NAA11: variants seen among roughly 807,000 people sequenced by gnomAD.
The protein encoded by NAA11 is N-alpha-acetyltransferase 11.
A neutral mutation model predicts 16.1 loss-of-function variants in NAA11; 15 were observed. That is an observed-to-expected ratio of 0.93 (90% CI 0.62 to 1.44). NAA11 has a LOEUF of 1.44. Ranked by LOEUF, NAA11 falls within the 40% of genes most tolerant of loss-of-function variation. The pLI is 0.00. For synonymous variants in NAA11, 122 were observed against 112.4 expected (o/e 1.09, Z -0.54); for missense variants, 298 against 291.3 (o/e 1.02, Z -0.17).
chr4:79,319,804 A>G (rs1724038080), intron 1 of NAA11, among the ~76,000 whole-genome samples: 1 of 152,194 alleles, frequency 6.6e-6, no homozygotes, highest in African/African-American at 2.4e-5. Context: ...AGGTTATACT[A>G]CGAATTTACC....
At chr4:79,220,911 A>G (rs1389014681), downstream of NAA11, among the ~76,000 whole-genome samples, 1 of 152,050 alleles carries the variant, frequency 6.6e-6, no homozygotes. Context: ...TTCTGTGAAG[A>G]AAGTCATTGG....
At chr4:79,286,675 G>C (rs1722946372) in intron 2 of NAA11, among the ~76,000 whole-genome samples, 1 of 151,916 alleles carries the variant, frequency 6.6e-6, no homozygotes, top group Non-Finnish European at 1.5e-5. Context: ...GTCAATAAGG[G>C]ATTTGTACTA....
chr4:79,239,631 C>T (rs532589328), intron 2 of NAA11, among the ~76,000 whole-genome samples: 8 of 152,050 alleles, frequency 5.3e-5, no homozygotes, highest in South Asian at 2.1e-4. Flanking sequence ...ACCCGGAAGG[C>T]GGAGGTTGCA....
intron 2 of NAA11, among the ~76,000 whole-genome samples, chr4:79,280,586 T>C (rs887351674): frequency 6.6e-6 from 1 of 151,930 alleles, no homozygotes; most frequent in East Asian, 1.9e-4. Context: ...TTCTGATACA[T>C]TTTGATACTT....
At chr4:79,242,564 T>C (rs1721722527) in intron 2 of NAA11, among the ~76,000 whole-genome samples, 2 of 152,248 alleles carry the variant, frequency 1.3e-5, no homozygotes, top group South Asian at 4.1e-4. Flanking sequence ...ACATTCTTCC[T>C]CTGCCCTGGT....
At chr4:79,157,000 A>G in the NAA11 span, among the ~76,000 whole-genome samples, 4 of 152,236 alleles carry the variant, frequency 2.6e-5, no homozygotes, top group Admixed American at 2.0e-4. Flanking sequence ...AGTGCACATT[A>G]TCCCTGACTA....
At chr4:79,268,779 C>G (rs1722409724) in intron 2 of NAA11, among the ~76,000 whole-genome samples, 1 of 151,456 alleles carries the variant, frequency 6.6e-6, no homozygotes, top group Non-Finnish European at 1.5e-5. Context: ...TATATATGTG[C>G]CATGCTGGTG....
chr4:79,208,489 T>C, the NAA11 span, among the ~76,000 whole-genome samples: 1 of 152,284 alleles, frequency 6.6e-6, no homozygotes, highest in South Asian at 2.1e-4. Flanking sequence ...ATGCTTTTCA[T>C]TTCTATTGGA....
the NAA11 span, among the ~76,000 whole-genome samples, chr4:79,187,762 C>T: frequency 1.3e-5 from 2 of 151,858 alleles, no homozygotes; most frequent in Non-Finnish European, 1.5e-5. Context: ...TTTGGGAGGC[C>T]GAGGCGGGCT....
At chr4:79,272,641 T>G (rs780952286) in intron 2 of NAA11, among the ~76,000 whole-genome samples, 1 of 151,972 alleles carries the variant, frequency 6.6e-6, no homozygotes, top group Non-Finnish European at 1.5e-5. Flanking sequence ...GTAAAGAGGT[T>G]TTTATCTCAG....
the NAA11 span, among the ~76,000 whole-genome samples, chr4:79,187,853 G>T: frequency 6.6e-6 from 1 of 151,780 alleles, no homozygotes; most frequent in East Asian, 1.9e-4. Context: ...AAAAAAATTA[G>T]CCGGGCACGG....
the NAA11 span, among the ~76,000 whole-genome samples, chr4:79,195,022 A>T: frequency 1.3e-5 from 2 of 152,106 alleles, no homozygotes; most frequent in Non-Finnish European, 2.9e-5. Context: ...AGAAAAAAGG[A>T]TGAGACAGAA....
chr4:79,270,123 G>C (rs1385258690), intron 2 of NAA11, among the ~76,000 whole-genome samples: 2 of 150,668 alleles, frequency 1.3e-5, no homozygotes, highest in Non-Finnish European at 3.0e-5. Flanking sequence ...AGTAAAGTTT[G>C]AAGTCAGGTA....
chr4:79,281,242 C>T (rs1198665815), intron 2 of NAA11, among the ~76,000 whole-genome samples: 1 of 151,492 alleles, frequency 6.6e-6, no homozygotes, highest in Non-Finnish European at 1.5e-5. Flanking sequence ...CATTCTACTG[C>T]CTCCCTCTAT....
downstream of NAA11, among the ~76,000 whole-genome samples, chr4:79,223,551 C>T (rs187274114): frequency 3.9e-3 from 575 of 148,804 alleles, 3 homozygotes; most frequent in Non-Finnish European, 6.5e-3. Flanking sequence ...TGCTAGATGA[C>T]GAGTTAGTGG....
chr4:79,251,374 A>G (rs1721989807), intron 2 of NAA11, among the ~76,000 whole-genome samples: 1 of 152,244 alleles, frequency 6.6e-6, no homozygotes, highest in Non-Finnish European at 1.5e-5. Flanking sequence ...TAACACAGGA[A>G]CAGAAAACCA....
intron 2 of NAA11, among the ~76,000 whole-genome samples, chr4:79,292,094 A>C (rs570435074): frequency 9.2e-5 from 14 of 152,166 alleles, no homozygotes; most frequent in Admixed American, 9.2e-4. Context: ...CGCTCCAATA[A>C]ATATTTTAGA....
intron 2 of NAA11, among the ~76,000 whole-genome samples, chr4:79,258,123 G>A (rs1722161438): frequency 6.6e-6 from 1 of 152,268 alleles, no homozygotes; most frequent in Admixed American, 6.5e-5. Flanking sequence ...TTCCAAGTTG[G>A]TGGGGCAGGA....
chr4:79,279,252 A>G (rs541196121), intron 2 of NAA11, among the ~76,000 whole-genome samples: 1 of 152,120 alleles, frequency 6.6e-6, no homozygotes, highest in Non-Finnish European at 1.5e-5. Context: ...CTTTGCATAC[A>G]TTTTCTCATT....
Sources: allele counts gnomAD v4.1 joint callset (sites outside exome capture counted in the v4.1 genomes callset), GRCh38; gene constraint gnomAD v4.1.1; transcripts MANE v1.5; gene names NCBI Gene and HGNC (gene_info 2026-07-23, HGNC 2026-07-21).